Variants in ADARB2 observed in about 807,000 individuals in gnomAD.
ADARB2 encodes the protein inactive double-stranded RNA-specific editase B2.
A neutral mutation model predicts 62.2 loss-of-function variants in ADARB2; 25 were observed. The ratio of observed to expected loss-of-function variants is 0.40; its 90% CI spans 0.29 to 0.56. The LOEUF (loss-of-function observed/expected upper bound fraction) is 0.56. Ranked by LOEUF, ADARB2 falls within the 20% of genes least tolerant of loss-of-function variation. ADARB2 has a pLI of 0.43. For missense variants in ADARB2, 1,071 were observed against 1,077.4 expected (o/e 0.99, Z 0.08); for synonymous variants, 572 against 500.8 (o/e 1.14, Z -1.90).
intron 1 of ADARB2, among the ~76,000 whole-genome samples, chr10:1,506,661 T>C (rs1284252648): frequency 6.6e-6 from 1 of 152,238 alleles, no homozygotes; most frequent in Non-Finnish European, 1.5e-5. Context: ...TGGAGATTCC[T>C]ACTCTGTTCA....
intron 6 of ADARB2, among the ~76,000 whole-genome samples, chr10:1,218,107 G>A (rs551875113): frequency 6.6e-6 from 1 of 152,346 alleles, no homozygotes; most frequent in South Asian, 2.1e-4. Context: ...CTGGAGTGCA[G>A]TGGCGCAATC....
chr10:1,438,205 G>A (rs959315989), intron 1 of ADARB2, among the ~76,000 whole-genome samples: 4 of 144,296 alleles, frequency 2.8e-5, no homozygotes, highest in Admixed American at 1.4e-4. Flanking sequence ...GGCCCTTCAC[G>A]ACAGGGCTCC....
chr10:1,502,428 G>A (rs1831777832), intron 1 of ADARB2, among the ~76,000 whole-genome samples: 1 of 152,246 alleles, frequency 6.6e-6, no homozygotes, highest in Non-Finnish European at 1.5e-5. Context: ...GCAATAAAAG[G>A]TGCTTTTGCA....
chr10:1,672,519 G>C (rs1272015800), intron 1 of ADARB2, among the ~76,000 whole-genome samples: 1 of 152,116 alleles, frequency 6.6e-6, no homozygotes, highest in Non-Finnish European at 1.5e-5. Context: ...ACTTCTCCAA[G>C]AGCCCGCCTT....
chr10:1,538,022 T>C (rs1832355790), intron 1 of ADARB2, among the ~76,000 whole-genome samples: 1 of 152,210 alleles, frequency 6.6e-6, no homozygotes, highest in Non-Finnish European at 1.5e-5. Flanking sequence ...AGTTCAGAAC[T>C]GCAAGCAGTA....
At chr10:1,578,240 C>T (rs1833048246) in intron 1 of ADARB2, among the ~76,000 whole-genome samples, 1 of 152,034 alleles carries the variant, frequency 6.6e-6, no homozygotes, top group African/African-American at 2.4e-5. Flanking sequence ...GAGGGCCAGG[C>T]AGCAAAAAAG....
rs912786254 is a variant in ADARB2, at chr10:1,491,740, G to A, written c.101-112580C>T. ...ACATGCTACCCCTCAACAAGGCAAG[G>A]AGCTTGTCTGTAGCAAGATTTCAGA... On this transcript the variant is annotated intron_variant, in intron 1 of 9. Coordinates refer to ENST00000381312, the MANE Select transcript of ADARB2 (RefSeq NM_018702.4). Among the ~76,000 whole-genome samples, 4 of 152,150 alleles carry A rather than the reference G, an allele frequency of 2.6e-5. No homozygotes were observed. The South Asian group carries it at 8.3e-4, about 32-fold the overall frequency.
chr10:1,185,070 A>G (rs1338166310), intron 8 of ADARB2, 31 bp from the exon 9 acceptor site: 2 of 1,598,552 alleles, frequency 1.3e-6, no homozygotes, highest in Non-Finnish European at 1.7e-6. Context: ...GGCGGGCGTT[A>G]ATATTCCTGG....
At chr10:1,445,232 C>T (rs1353509508) in intron 1 of ADARB2, among the ~76,000 whole-genome samples, 1 of 150,162 alleles carries the variant, frequency 6.7e-6, no homozygotes, top group African/African-American at 2.4e-5. Context: ...CATTCATTCA[C>T]CACCCATCCA....
chr10:1,638,511 T>TG (rs1460371940), intron 1 of ADARB2, among the ~76,000 whole-genome samples: 1 of 152,042 alleles, frequency 6.6e-6, no homozygotes, highest in Non-Finnish European at 1.5e-5. Flanking sequence ...ATGAGGTTTT[T>TG]TTTTTTGGTC....
At chr10:1,669,855 GACAC>G (rs548619302) in intron 1 of ADARB2, among the ~76,000 whole-genome samples, 1 of 146,830 alleles carries the variant, frequency 6.8e-6, no homozygotes, top group African/African-American at 2.5e-5. Flanking sequence ...CACTCATAGA[GACAC>G]ACAGACACAA....
chr10:1,302,192 A>C (rs2131817919), intron 3 of ADARB2, among the ~76,000 whole-genome samples: 1 of 152,336 alleles, frequency 6.6e-6, no homozygotes, highest in South Asian at 2.1e-4. Flanking sequence ...GAGCCGAAGC[A>C]GGGCGAGGCA....
chr10:1,737,029 C>G (rs527755479), intron 1 of ADARB2, 22 bp downstream of exon 1: 36 of 1,607,528 alleles, frequency 2.2e-5, no homozygotes, highest in Non-Finnish European at 2.8e-5. Flanking sequence ...GGGCAGGGGC[C>G]GGCGCGCCAC....
At chr10:1,677,252 A>T (rs1188970980) in intron 1 of ADARB2, among the ~76,000 whole-genome samples, 1 of 152,220 alleles carries the variant, frequency 6.6e-6, no homozygotes, top group Non-Finnish European at 1.5e-5. Context: ...GGAATTCCTC[A>T]CTAGAGTCCT....
At chr10:1,609,387 T>C (rs1055633442) in intron 1 of ADARB2, among the ~76,000 whole-genome samples, 2 of 152,238 alleles carry the variant, frequency 1.3e-5, no homozygotes, top group Admixed American at 6.5e-5. Context: ...GCCAGGAGGC[T>C]GCGTGCCTGG....
intron 1 of ADARB2, among the ~76,000 whole-genome samples, chr10:1,381,938 C>T (rs139209866): frequency 2.0e-5 from 3 of 152,206 alleles, no homozygotes; most frequent in South Asian, 2.1e-4. Context: ...AGCATGGGGA[C>T]TCTGGCTAAT....
intron 1 of ADARB2, among the ~76,000 whole-genome samples, chr10:1,567,185 C>A (rs371170947): frequency 1.5e-4 from 23 of 152,184 alleles, no homozygotes; most frequent in Admixed American, 4.6e-4. Context: ...GTCCTCCCCC[C>A]ACCGAGAAGC....
intron 8 of ADARB2, among the ~76,000 whole-genome samples, chr10:1,191,447 C>T (rs138779881): frequency 6.6e-6 from 1 of 152,238 alleles, no homozygotes; most frequent in African/African-American, 2.4e-5. Flanking sequence ...GTCCCTGAAA[C>T]ACTGTGTAGC....
intron 1 of ADARB2, among the ~76,000 whole-genome samples, chr10:1,450,792 G>A (rs190598556): frequency 2.9e-4 from 44 of 152,300 alleles, no homozygotes; most frequent in Non-Finnish European, 5.6e-4. Flanking sequence ...GCATGCCTTG[G>A]TGTTGTTCCA....
Sources: allele counts gnomAD v4.1 joint callset (sites outside exome capture counted in the v4.1 genomes callset), GRCh38; gene constraint gnomAD v4.1.1; transcripts MANE v1.5; gene names NCBI Gene and HGNC (gene_info 2026-07-23, HGNC 2026-07-21).